Variants in CHD9 observed in about 807,000 individuals in gnomAD.
The protein encoded by CHD9 is ATP-dependent chromatin remodeler CHD9.
CHD9 carries 77 observed loss-of-function variants against 316.1 expected under a neutral mutation model. That is an observed-to-expected ratio of 0.24 (90% confidence interval 0.20 to 0.29). The LOEUF (loss-of-function observed/expected upper bound fraction) is 0.29, where lower values mean the gene tolerates loss of function less well. Among genes scored for constraint, CHD9 ranks in the 10% least tolerant of loss-of-function variants. CHD9 has a pLI of 1.00. For missense variants in CHD9, 2,763 were observed against 3,438.1 expected, an observed-to-expected ratio of 0.80 and a Z score of 4.91; for synonymous variants, 1,129 against 1,158.3, an observed-to-expected ratio of 0.97 and a Z score of 0.51.
chr16:53,217,529 C>G (rs1747043309), intron 3 of CHD9, among the ~76,000 whole-genome samples: 1 of 152,202 alleles, frequency 6.6e-6, no homozygotes, highest in Admixed American at 6.5e-5. Flanking sequence ...GCTGGGATCA[C>G]AGGCGTGAGC....
intron 1 of CHD9, among the ~76,000 whole-genome samples, chr16:53,055,571 T>C (rs1346832782): frequency 6.7e-6 from 1 of 149,436 alleles, no homozygotes; most frequent in Non-Finnish European, 1.5e-5. Context: ...TTGCAAGAGA[T>C]TCCAGCTGGC....
intron 13 of CHD9, 25 bp downstream of exon 13, chr16:53,243,041 T>C: frequency 6.6e-7 from 1 of 1,524,150 alleles, no homozygotes; most frequent in Non-Finnish European, 9.0e-7. Context: ...ATTATCATTA[T>C]GACAATTGAG....
intron 2 of CHD9, among the ~76,000 whole-genome samples, chr16:53,201,847 T>C (rs192630712): frequency 6.8e-6 from 1 of 147,058 alleles, no homozygotes; most frequent in Admixed American, 6.8e-5. Flanking sequence ...AGTTTGAGGT[T>C]TTTTTTTTTG....
At chr16:53,062,288 A>C (rs1043166957) in intron 1 of CHD9, among the ~76,000 whole-genome samples, 7 of 152,238 alleles carry the variant, frequency 4.6e-5, no homozygotes, top group African/African-American at 1.7e-4. Flanking sequence ...ACAATCTAAT[A>C]ACATTGTTTG....
Position 53,229,075 on chromosome 16 carries a change from C to A in CHD9, c.2261C>A (p.Ala754Glu). The A allele has an allele frequency of 6.3e-7, 1 of 1,582,248 alleles. No individual in the cohort carries two copies. Among genetic ancestry groups the A allele is most frequent in the Non-Finnish European group, 8.6e-7 (1 of 1,162,684 alleles). Residue 754 changes from alanine to glutamate, a missense_variant, in exon 8 of 39, where the codon GCA becomes GAA. Ala to Glu is a moderately radical substitution (Grantham distance 107, BLOSUM62 -1). This residue lies in a region of CHD9 where 859 missense variants were observed against 890.4 expected (regional missense o/e 0.96). Coordinates refer to ENST00000447540, the MANE Select transcript of CHD9 (RefSeq NM_001308319.2). Reference protein sequence around the residue: ...QKIKRFKLRQAQRAHFFADME... With the variant: ...QKIKRFKLRQEQRAHFFADME... ...ATCAAACGATTCAAATTGAGACAAG[C>A]ACAAAGAGCACATTTTTTTGCAGAC...
chr16:53,151,993 T>A (rs542585196), intron 1 of CHD9, among the ~76,000 whole-genome samples: 76 of 149,550 alleles, frequency 5.1e-4, no homozygotes, highest in African/African-American at 1.6e-3. Context: ...TGTGTGTGTG[T>A]GATTGTGGGC....
chr16:53,122,501 G>A (rs537352682), intron 1 of CHD9, among the ~76,000 whole-genome samples: 6 of 150,532 alleles, frequency 4.0e-5, no homozygotes, highest in South Asian at 2.1e-4. Context: ...GATTTAATGC[G>A]TACAATACTG....
chr16:53,177,042 G>T (rs904817683), intron 2 of CHD9, among the ~76,000 whole-genome samples: 1 of 152,088 alleles, frequency 6.6e-6, no homozygotes, highest in African/African-American at 2.4e-5. Context: ...TGCAGCCTCC[G>T]CCTCCCAGGT....
chr16:53,314,688 A>G, intron 35 of CHD9, 135 bp from the exon 36 acceptor site: 1 of 1,018,788 alleles, frequency 9.8e-7, no homozygotes, highest in Non-Finnish European at 1.4e-6. Context: ...GAGTGATAAA[A>G]ATTTTAAGTT....
intron 5 of CHD9, among the ~76,000 whole-genome samples, chr16:53,226,989 A>G (rs1472911169): frequency 1.3e-5 from 2 of 152,068 alleles, no homozygotes; most frequent in Admixed American, 6.5e-5. Flanking sequence ...TCCCTCGTCT[A>G]TGATTTTTTA....
rs573206653 is a variant in CHD9, at chr16:53,075,599, T to C, written c.-165+20522T>C. ...AGTGAATAAGTCTCACGAGATCTGA[T>C]GGTTTTATTCCGGGGGTGGGGGGTT... On this transcript the variant is annotated intron_variant, in intron 1 of 38. Coordinates refer to ENST00000447540, the MANE Select transcript of CHD9 (RefSeq NM_001308319.2). Among the ~76,000 whole-genome samples, 7 of 152,234 alleles carry C rather than the reference T, an allele frequency of 4.6e-5. No individual in the cohort carries two copies. The East Asian group carries it at 1.4e-3, about 29-fold the overall frequency.
intron 1 of CHD9, among the ~76,000 whole-genome samples, chr16:53,105,797 T>C (rs1388571088): frequency 6.6e-6 from 1 of 151,982 alleles, no homozygotes. Context: ...GTGATAACTG[T>C]CTCTGGTCAC....
chr16:53,231,851 A>G, intron 10 of CHD9, 67 bp downstream of exon 10: 2 of 1,323,770 alleles, frequency 1.5e-6, no homozygotes, highest in East Asian at 2.3e-5. Flanking sequence ...TGATATTGCT[A>G]ATAATTATAT....
At chr16:53,073,039 A>G (rs1170220595) in intron 1 of CHD9, among the ~76,000 whole-genome samples, 1 of 152,214 alleles carries the variant, frequency 6.6e-6, no homozygotes, top group Non-Finnish European at 1.5e-5. Flanking sequence ...GATATTAAAT[A>G]TATTCATAGT....
chr16:53,080,904 A>C (rs550764353), intron 1 of CHD9, among the ~76,000 whole-genome samples: 1 of 152,224 alleles, frequency 6.6e-6, no homozygotes, highest in South Asian at 2.1e-4. Flanking sequence ...GAGATACACC[A>C]GCCTCTCCCA....
intron 8 of CHD9, 97 bp from the exon 9 acceptor site, chr16:53,231,322 A>G (rs1252412075): frequency 1.7e-6 from 1 of 581,304 alleles, no homozygotes; most frequent in African/African-American, 1.9e-5. Context: ...CTGAAATCAA[A>G]CTTACAAGGT....
intron 1 of CHD9, among the ~76,000 whole-genome samples, chr16:53,148,978 A>C (rs1262295981): frequency 6.6e-6 from 1 of 152,028 alleles, no homozygotes; most frequent in Non-Finnish European, 1.5e-5. Context: ...TTCAATTTTC[A>C]TTTGCGTATT....
chr16:53,220,961 C>T (rs1338720166), intron 3 of CHD9, among the ~76,000 whole-genome samples: 1 of 152,210 alleles, frequency 6.6e-6, no homozygotes, highest in Non-Finnish European at 1.5e-5. Flanking sequence ...CTTTACTCTT[C>T]AGTAAGCGTG....
intron 22 of CHD9, among the ~76,000 whole-genome samples, chr16:53,269,666 GA>G (rs989834080): frequency 2.0e-5 from 3 of 152,130 alleles, no homozygotes; most frequent in Admixed American, 1.3e-4. Flanking sequence ...AACTCCACTA[GA>G]AAAAAGTAAG....
Sources: allele counts gnomAD v4.1 joint callset (sites outside exome capture counted in the v4.1 genomes callset), GRCh38; gene constraint gnomAD v4.1.1; regional missense constraint gnomAD v4.1.1; transcripts MANE v1.5; gene names NCBI Gene and HGNC (gene_info 2026-07-23, HGNC 2026-07-21).